The following SEMA5A variants were observed in gnomAD, a reference collection of about 807,000 sequenced individuals.
SEMA5A encodes the protein semaphorin 5A.
In SEMA5A, 55 loss-of-function variants were observed where a neutral mutation model predicts 135.5. The ratio of observed to expected loss-of-function variants is 0.41; its 90% CI spans 0.33 to 0.51. The LOEUF is 0.51. SEMA5A is among the 20% of genes least tolerant of loss of function. SEMA5A has a pLI of 0.37. For synonymous variants in SEMA5A, 580 were observed against 546.5 expected (o/e 1.06, Z -0.85); for missense variants, 1,290 against 1,419.9 (o/e 0.91, Z 1.47).
chr5:9,309,552 A>G (rs1198802687), intron 5 of SEMA5A, among the ~76,000 whole-genome samples: 1 of 152,108 alleles, frequency 6.6e-6, no homozygotes, highest in Admixed American at 6.6e-5. Context: ...TTTCTTCCCT[A>G]CTGCCTCTGG....
At chr5:9,212,822 C>A (rs1024194683) in intron 8 of SEMA5A, among the ~76,000 whole-genome samples, 1 of 152,138 alleles carries the variant, frequency 6.6e-6, no homozygotes, top group African/African-American at 2.4e-5. Context: ...GAGCCCCTGC[C>A]CTTAAGGAAT....
intron 1 of SEMA5A, among the ~76,000 whole-genome samples, chr5:9,471,835 T>C (rs1329980216): frequency 6.6e-6 from 1 of 152,246 alleles, no homozygotes; most frequent in African/African-American, 2.4e-5. Flanking sequence ...AAATGCAAAC[T>C]CATTGCTCAA....
chr5:9,297,892 T>C (rs868377401), intron 5 of SEMA5A, among the ~76,000 whole-genome samples: 34 of 152,126 alleles, frequency 2.2e-4, no homozygotes, highest in African/African-American at 8.0e-4. Flanking sequence ...CCAATTTCTG[T>C]TGTTTACAAG....
At chr5:9,082,096 A>G (rs895303920) in intron 16 of SEMA5A, among the ~76,000 whole-genome samples, 3 of 152,230 alleles carry the variant, frequency 2.0e-5, no homozygotes, top group African/African-American at 7.2e-5. Context: ...GGAGAATGCT[A>G]TCTGGAATCA....
intron 5 of SEMA5A, among the ~76,000 whole-genome samples, chr5:9,248,199 G>C (rs1199522980): frequency 6.6e-6 from 1 of 152,134 alleles, no homozygotes; most frequent in African/African-American, 2.4e-5. Context: ...ATAAGAGTTG[G>C]TGAATTTTTA....
At position 9,503,424 on chromosome 5, in the gene SEMA5A, T is replaced by C. The variant is rs546516511; in HGVS notation, c.-175+42160A>G. On this transcript the variant is annotated intron_variant, in intron 1 of 22. Coordinates refer to ENST00000382496, the MANE Select transcript of SEMA5A (RefSeq NM_003966.3). ...CTAGGAGGTGGTGTCCTAGAGACTA[T>C]CTATTTCCATGAAAAGCTCCCAGTG... Among the ~76,000 whole-genome samples, 9 of 152,288 alleles carry C rather than the reference T, an allele frequency of 5.9e-5. No individual in the cohort carries two copies. The South Asian group carries it at 1.9e-3, about 32-fold the overall frequency.
chr5:9,498,163 C>G (rs1404498101), intron 1 of SEMA5A, among the ~76,000 whole-genome samples: 3 of 152,208 alleles, frequency 2.0e-5, no homozygotes, highest in Admixed American at 1.3e-4. Context: ...CAACCTGGAG[C>G]TTACCTTTGA....
At chr5:9,482,853 C>A (rs1339241231) in intron 1 of SEMA5A, among the ~76,000 whole-genome samples, 1 of 152,228 alleles carries the variant, frequency 6.6e-6, no homozygotes, top group Non-Finnish European at 1.5e-5. Context: ...TCTGTCTTGA[C>A]ACAGCTGGAC....
At chr5:9,099,601 A>G (rs1027430336) in intron 16 of SEMA5A, among the ~76,000 whole-genome samples, 1 of 152,200 alleles carries the variant, frequency 6.6e-6, no homozygotes, top group African/African-American at 2.4e-5. Flanking sequence ...GATCATCTCC[A>G]TCAGATACAG....
At chr5:9,434,529 T>G (rs1043541965) in intron 2 of SEMA5A, among the ~76,000 whole-genome samples, 3 of 152,146 alleles carry the variant, frequency 2.0e-5, no homozygotes, top group Non-Finnish European at 4.4e-5. Flanking sequence ...AATCTCTGTT[T>G]AGAGTATGGT....
Position 9,202,076 on chromosome 5 carries a change from A to G in SEMA5A, c.811T>C (p.Phe271Leu), listed in dbSNP as rs776941032. ...GAGCAGTTCAGGCGAGCCTTCATGA[A>G]TGTGGTCCAGGTGTCTTCCAGCAGG... ...RFLLEDTWTT[F>L]MKARLNCSRP... is the part of the protein sequence containing the mutation. Residue 271 changes from phenylalanine to leucine, a missense_variant, in exon 9 of 23, where the codon TTC (phenylalanine) becomes CTC (leucine). Around this residue, in one of 3 missense-constraint regions of SEMA5A, gnomAD observed 1,029 missense variants for 1,086.6 expected, o/e 0.95. Coordinates refer to ENST00000382496, the MANE Select transcript of SEMA5A (RefSeq NM_003966.3). 1 of 1,614,178 alleles carries G rather than the reference A, an allele frequency of 6.2e-7. No individual in the cohort carries two copies. Among genetic ancestry groups the G allele is most frequent in the Non-Finnish European group, 8.5e-7 (1 of 1,180,036 alleles).
intron 5 of SEMA5A, among the ~76,000 whole-genome samples, chr5:9,281,679 G>A (rs1487200113): frequency 6.6e-6 from 1 of 152,088 alleles, no homozygotes; most frequent in Non-Finnish European, 1.5e-5. Flanking sequence ...CACCAAATAG[G>A]GTAAGGCAAA....
intron 16 of SEMA5A, among the ~76,000 whole-genome samples, chr5:9,104,717 C>T (rs1739812500): frequency 6.6e-6 from 1 of 152,224 alleles, no homozygotes; most frequent in African/African-American, 2.4e-5. Context: ...CAGAGCCCCT[C>T]TGACCCACCA....
At chr5:9,297,919 A>G (rs1751423495) in intron 5 of SEMA5A, among the ~76,000 whole-genome samples, 1 of 152,092 alleles carries the variant, frequency 6.6e-6, no homozygotes, top group Non-Finnish European at 1.5e-5. Flanking sequence ...AGCCTAGGGT[A>G]TTTGGGAAAA....
intron 9 of SEMA5A, 124 bp from the exon 10 acceptor site, chr5:9,197,427 A>C: frequency 8.8e-7 from 1 of 1,137,038 alleles, no homozygotes; most frequent in Non-Finnish European, 1.2e-6. Context: ...ACAGTCTCTT[A>C]AAGATCCCAA....
intron 1 of SEMA5A, among the ~76,000 whole-genome samples, chr5:9,464,156 G>T (rs1222639707): frequency 6.6e-6 from 1 of 152,124 alleles, no homozygotes; most frequent in Non-Finnish European, 1.5e-5. Context: ...AATATCATTA[G>T]ACATTGCCAA....
chr5:9,083,702 A>T (rs1303249195), intron 16 of SEMA5A, among the ~76,000 whole-genome samples: 2 of 152,220 alleles, frequency 1.3e-5, no homozygotes, highest in Non-Finnish European at 2.9e-5. Context: ...GAGAATTCTC[A>T]GACACCAATG....
intron 8 of SEMA5A, among the ~76,000 whole-genome samples, chr5:9,214,308 G>A (rs1746500279): frequency 6.6e-6 from 1 of 152,186 alleles, no homozygotes; most frequent in Admixed American, 6.5e-5. Flanking sequence ...CAGAGCTCGG[G>A]CCAGGCCTGC....
At chr5:9,272,028 C>A (rs865840103) in intron 5 of SEMA5A, among the ~76,000 whole-genome samples, 1 of 152,058 alleles carries the variant, frequency 6.6e-6, no homozygotes, top group African/African-American at 2.4e-5. Flanking sequence ...ATTCACTCCC[C>A]TGGAAAGGGG....
Sources: allele counts gnomAD v4.1 joint callset (sites outside exome capture counted in the v4.1 genomes callset), GRCh38; gene constraint gnomAD v4.1.1; regional missense constraint gnomAD v4.1.1; transcripts MANE v1.5; gene names NCBI Gene and HGNC (gene_info 2026-07-23, HGNC 2026-07-21).